Variants in CEACAM3 observed in about 807,000 individuals in gnomAD.
The protein encoded by CEACAM3 is cell adhesion molecule CEACAM3.
In CEACAM3, 32 loss-of-function variants were observed where a neutral mutation model predicts 30.1. The observed-to-expected ratio is 1.06, with a 90% CI of 0.80 to 1.43. The LOEUF is 1.43. CEACAM3 is among the 40% of genes most tolerant of loss of function. The pLI is 0.00. For missense variants in CEACAM3, 290 were observed against 316.3 expected (o/e 0.92, Z 0.63); for synonymous variants, 134 against 127.2 (o/e 1.05, Z -0.36).
intron 2 of CEACAM3, among the ~76,000 whole-genome samples, chr19:41,803,743 GGCA>G (rs2073175331): frequency 2.1e-5 from 1 of 46,860 alleles, no homozygotes; most frequent in African/African-American, 3.5e-5. Flanking sequence ...TGGGATTACA[GGCA>G]TGAGCCACCA....
In CEACAM3 at chr19:41,808,834, C is replaced by T; in HGVS notation, c.446C>T (p.Pro149Leu). The T allele has an allele frequency of 6.2e-7, 1 of 1,612,532 alleles. No homozygotes were observed. Among genetic ancestry groups the T allele is most frequent in the East Asian group, 2.2e-5 (1 of 44,670 alleles). Residue 149 changes from proline to leucine, a missense_variant, in exon 3 of 7, where the codon CCT (proline) becomes CTT (leucine). Physicochemically the swap from Pro to Leu is moderately conservative, Grantham distance 98 (BLOSUM62 -3). Transcript: ENST00000357396. ...GCAGAAGAAAATGCCCCAGGCCTTCCTGTGGGGGCCGTCGCCGGCATCGTG... is the reference window on the plus strand; with the variant it reads ...GCAGAAGAAAATGCCCCAGGCCTTCTTGTGGGGGCCGTCGCCGGCATCGTG... ...HVYQENAPGL[P>L]VGAVAGIVTG... is the part of the protein sequence containing the mutation.
chr19:41,809,006 T>A, intron 3 of CEACAM3, 76 bp downstream of exon 3: 1 of 1,082,212 alleles, frequency 9.2e-7, no homozygotes, highest in Non-Finnish European at 1.3e-6. Flanking sequence ...CCTTGTCCTG[T>A]ATTCAGGGCC....
Position 41,797,893 on chromosome 19 carries a change from A to C in CEACAM3, c.369A>C (p.Gln123His), listed in dbSNP as rs782216874. ...TQNDIGFYTLQVIKSDLVNEE... is the reference protein window; with the variant it reads ...TQNDIGFYTLHVIKSDLVNEE... ...ATGACATAGGATTCTACACCCTACA[A>C]GTCATAAAGTCAGATCTTGTGAATG... Residue 123 changes from glutamine (Q) to histidine (H), a missense_variant, in exon 2 of 7, where the codon CAA (glutamine) becomes CAC (histidine). Transcript: ENST00000357396. 6 of 1,613,356 alleles carry C rather than the reference A, an allele frequency of 3.7e-6. No individual in the cohort carries two copies. Among genetic ancestry groups the C allele is most frequent in the Non-Finnish European group, 5.1e-6 (6 of 1,179,680 alleles).
intron 6 of CEACAM3, 120 bp from the exon 7 acceptor site, chr19:41,811,052 C>T: frequency 7.8e-7 from 1 of 1,277,084 alleles, no homozygotes. Context: ...GGAGCAGGAA[C>T]CCCCTGAGCA....
At chr19:41,803,026 C>G (rs2073164580) in intron 2 of CEACAM3, among the ~76,000 whole-genome samples, 1 of 151,934 alleles carries the variant, frequency 6.6e-6, no homozygotes, top group East Asian at 1.9e-4. Flanking sequence ...AATATCATGT[C>G]TGGCTTTCAA....
chr19:41,802,697 C>T (rs561309119), intron 2 of CEACAM3, among the ~76,000 whole-genome samples: 145 of 152,244 alleles, frequency 9.5e-4, no homozygotes, highest in African/African-American at 3.1e-3. Flanking sequence ...CTTCCTGAAG[C>T]GGGAGGGGGA....
At chr19:41,797,981 G>T in intron 2 of CEACAM3, 33 bp downstream of exon 2, 2 of 1,570,584 alleles carry the variant, frequency 1.3e-6, no homozygotes, top group Non-Finnish European at 1.7e-6. Context: ...TGGGTGTTGG[G>T]GGTCAGTTCT....
At position 41,807,319 on chromosome 19, in the gene CEACAM3, A is replaced by T. The variant is rs113579933; in HGVS notation, c.425-1494A>T. On this transcript the variant is annotated intron_variant, in intron 2 of 6. Transcript: ENST00000357396. ...TCAGTGTCACAAGGAATGACACAGG[A>T]CCCTATGAGTGTGAAATACCGAACC... is the stretch of plus-strand genomic sequence containing the variant. 910 of 1,608,024 alleles carry T rather than the reference A, an allele frequency of 5.7e-4. 2 individuals carry two copies. In the African/African-American group the frequency reaches 0.011, roughly 20 times the overall value.
At chr19:41,807,445 G>A (rs1345509990) in intron 2 of CEACAM3, 1 of 1,251,668 alleles carries the variant, frequency 8.0e-7, no homozygotes, top group Non-Finnish European at 1.0e-6. Context: ...ACAGCCAGAG[G>A]CCAGGCCTCT....
chr19:41,803,163 A>T (rs2073165679), intron 2 of CEACAM3, among the ~76,000 whole-genome samples: 2 of 152,202 alleles, frequency 1.3e-5, no homozygotes, highest in African/African-American at 4.8e-5. Context: ...ATTTAAAACA[A>T]CTCTGGTTAA....
Position 41,810,820 on chromosome 19 carries a change from C to T in CEACAM3, c.628-12C>T, listed in dbSNP as rs1423742219. On this transcript the variant is annotated splice_polypyrimidine_tract_variant and intron_variant, in intron 5 of 6. Transcript: ENST00000357396. ...AGGCTGGGCCTCCATGACCCTCCCT[C>T]CCTGTCCACAGATGTCCCCTCTCTC... 5 of 1,609,990 alleles carry T rather than the reference C, an allele frequency of 3.1e-6. No homozygotes were observed. Among genetic ancestry groups the T allele is most frequent in the Non-Finnish European group, 4.2e-6 (5 of 1,176,754 alleles).
At position 41,802,698 on chromosome 19, in the gene CEACAM3, G is replaced by A. The variant is rs112621310; in HGVS notation, c.424+4750G>A. On this transcript the variant is annotated intron_variant, in intron 2 of 6. Coordinates refer to ENST00000357396, the MANE Select transcript of CEACAM3 (RefSeq NM_001815.5). ...AAGATCCCCTCCTCCTTCCTGAAGC[G>A]GGAGGGGGAAAGGAATTATTTGGAA... Among the ~76,000 whole-genome samples, 564 of 152,282 alleles carry A rather than the reference G, an allele frequency of 3.7e-3. 8 individuals are homozygous for A. The highest frequency in any genetic ancestry group is 0.013 in the African/African-American group (535 of 41,554).
chr19:41,809,704 C>A (rs2073233045), intron 3 of CEACAM3: 2 of 407,454 alleles, frequency 4.9e-6, no homozygotes, highest in African/African-American at 4.1e-5. Flanking sequence ...GGTCCTCAGT[C>A]CCTTTCCTGG....
intron 6 of CEACAM3, 110 bp downstream of exon 6, chr19:41,811,007 G>T: frequency 3.9e-6 from 5 of 1,297,372 alleles, no homozygotes; most frequent in Non-Finnish European, 5.5e-6. Context: ...GTGAAAATAA[G>T]AACGGGGGTG....
chr19:41,811,308 G>A lies in CEACAM3; in HGVS notation c.*71G>A. The A allele has an allele frequency of 1.5e-6, 2 of 1,334,400 alleles. No homozygotes were observed. The highest frequency in any genetic ancestry group is 4.6e-5 in the East Asian group (2 of 43,484). 82.7% of individuals were successfully genotyped at this position (1,334,400 alleles called of 1,614,324 possible). A position where few individuals can be genotyped will look rare whatever the true frequency, so the allele number is the denominator to read the frequency against. On this transcript the variant is annotated 3_prime_UTR_variant, in exon 7 of 7. Coordinates refer to ENST00000357396, the MANE Select transcript of CEACAM3 (RefSeq NM_001815.5). ...GCCCCCAGCCCTGGGGATGGGGAAGGACATGAAGCCTGAGCCAGAGAACCA... is the reference window on the plus strand; with the variant it reads ...GCCCCCAGCCCTGGGGATGGGGAAGAACATGAAGCCTGAGCCAGAGAACCA...
intron 2 of CEACAM3, among the ~76,000 whole-genome samples, chr19:41,803,755 CAT>C (rs2073175915): frequency 1.1e-5 from 1 of 93,894 alleles, no homozygotes; most frequent in Admixed American, 1.1e-4. Context: ...CATGAGCCAC[CAT>C]GCCCGGCCTG....
rs918444222 is a variant in CEACAM3 at position 41,808,716 on chromosome 19, C to T, written c.425-97C>T. ...ACTACACTCAGGCCCCATGGCATCTCCTTCTTCCCTGACTGCACACCTTCC... is the reference window on the plus strand; with the variant it reads ...ACTACACTCAGGCCCCATGGCATCTTCTTCTTCCCTGACTGCACACCTTCC... On this transcript the variant is annotated intron_variant, in intron 2 of 6. Transcript: ENST00000357396. 7.6e-5 allele frequency: 71 copies of T among 931,836 alleles called. 1 individual carries two copies. The Middle Eastern group carries it at 8.4e-4, about 11-fold the overall frequency. The allele number at this position is 931,836 out of a possible 1,614,324, so 57.7% of individuals were successfully genotyped here.
chr19:41,797,020 T>C (rs2073107929), intron 1 of CEACAM3: 3 of 350,666 alleles, frequency 8.6e-6, no homozygotes, highest in Non-Finnish European at 1.5e-5. Flanking sequence ...GGTGATACTT[T>C]AAATAAAAAT....
chr19:41,810,761 G>C, intron 5 of CEACAM3, 71 bp from the exon 6 acceptor site: 1 of 1,349,962 alleles, frequency 7.4e-7, no homozygotes, highest in Non-Finnish European at 1.1e-6. Flanking sequence ...ACACAGAGAA[G>C]TAAATCCTGG....
Sources: allele counts gnomAD v4.1 joint callset (sites outside exome capture counted in the v4.1 genomes callset), GRCh38; gene constraint gnomAD v4.1.1; transcripts MANE v1.5; gene names NCBI Gene and HGNC (gene_info 2026-07-23, HGNC 2026-07-21).